DLG1: variants seen among roughly 807,000 people sequenced by gnomAD.
The protein encoded by DLG1 is disks large homolog 1.
A neutral mutation model predicts 123.4 loss-of-function variants in DLG1; 42 were observed. That is an observed-to-expected ratio of 0.34 (90% confidence interval 0.27 to 0.44). The LOEUF is 0.44. Among genes scored for constraint, DLG1 ranks in the 20% least tolerant of loss-of-function variants. The pLI is 1.00. For missense variants in DLG1, 942 were observed against 1,082.6 expected (o/e 0.87, Z 1.82); for synonymous variants, 317 against 356.2 (o/e 0.89, Z 1.24).
chr3:197,245,905 G>GT (rs148354738), intron 4 of DLG1, among the ~76,000 whole-genome samples: 5 of 141,878 alleles, frequency 3.5e-5, no homozygotes, highest in African/African-American at 5.2e-5. Flanking sequence ...TTTTTTGGGG[G>GT]GGGGGGAGGT....
intron 4 of DLG1, among the ~76,000 whole-genome samples, chr3:197,270,283 A>G (rs559150773): frequency 6.6e-6 from 1 of 152,302 alleles, no homozygotes; most frequent in Non-Finnish European, 1.5e-5. Flanking sequence ...ATATGAAGTA[A>G]TATGAGCACC....
At chr3:197,268,630 G>T (rs1762675658) in intron 4 of DLG1, among the ~76,000 whole-genome samples, 1 of 151,788 alleles carries the variant, frequency 6.6e-6, no homozygotes, top group East Asian at 1.9e-4. Flanking sequence ...TGCTGCCCAG[G>T]CTGATCTATA....
At chr3:197,081,011 A>G in intron 17 of DLG1, 40 bp downstream of exon 17, 1 of 1,566,204 alleles carries the variant, frequency 6.4e-7, no homozygotes, top group Non-Finnish European at 8.8e-7. Flanking sequence ...AATGTAGCTC[A>G]AACAGGAATT....
At chr3:197,219,180 G>A (rs189166627) in intron 4 of DLG1, among the ~76,000 whole-genome samples, 4 of 152,032 alleles carry the variant, frequency 2.6e-5, no homozygotes, top group African/African-American at 9.6e-5. Context: ...TTACCAAAAC[G>A]TTCACTGTCC....
rs1478206132 is a variant in DLG1 at position 197,044,352 on chromosome 3, C to T, written c.*271G>A. 2 of 279,706 alleles carry T rather than the reference C, an allele frequency of 7.2e-6. No homozygotes were observed. The highest frequency in any genetic ancestry group is 1.3e-5 in the Non-Finnish European group (2 of 151,482). The allele number at this position is 279,706 out of a possible 1,614,324, so 17.3% of individuals were successfully genotyped here. A position where few individuals can be genotyped will look rare whatever the true frequency, so the allele number is the denominator to read the frequency against. On this transcript the variant is annotated 3_prime_UTR_variant, in exon 25 of 25. Transcript: ENST00000667157. ...TCCCTTAAACATTAAGGAATTTTAC[C>T]ACAATTTCTGCGTCTCCCCACGTTC...
chr3:197,063,550 G>T (rs924445714), intron 22 of DLG1, among the ~76,000 whole-genome samples: 1 of 152,082 alleles, frequency 6.6e-6, no homozygotes, highest in African/African-American at 2.4e-5. Flanking sequence ...TTGTGTATCA[G>T]TTCAAATACC....
At chr3:197,190,710 C>T (rs1188258465) in intron 5 of DLG1, among the ~76,000 whole-genome samples, 1 of 152,138 alleles carries the variant, frequency 6.6e-6, no homozygotes, top group African/African-American at 2.4e-5. Flanking sequence ...ACGGAGATGG[C>T]TGCTAAAAGG....
intron 12 of DLG1, among the ~76,000 whole-genome samples, chr3:197,118,280 G>A (rs1023142841): frequency 2.6e-5 from 4 of 152,108 alleles, no homozygotes; most frequent in Non-Finnish European, 4.4e-5. Flanking sequence ...CCTTAAATAG[G>A]CACTATTAGA....
chr3:197,270,578 A>G (rs150601752), intron 4 of DLG1, among the ~76,000 whole-genome samples: 22 of 152,354 alleles, frequency 1.4e-4, no homozygotes, highest in Non-Finnish European at 2.8e-4. Context: ...GAGAAAAATA[A>G]CATTTTGAAA....
At chr3:197,292,402 C>A (rs544064203) in intron 3 of DLG1, among the ~76,000 whole-genome samples, 1 of 152,274 alleles carries the variant, frequency 6.6e-6, no homozygotes, top group East Asian at 1.9e-4. Flanking sequence ...CTAACATGAT[C>A]AAATTCACTG....
intron 4 of DLG1, among the ~76,000 whole-genome samples, chr3:197,235,482 CT>C (rs745460078): frequency 1.3e-5 from 2 of 152,208 alleles, no homozygotes; most frequent in Non-Finnish European, 2.9e-5. Context: ...AGTGTTCAAA[CT>C]TATACAGAGC....
intron 10 of DLG1, among the ~76,000 whole-genome samples, chr3:197,131,617 G>T (rs562153807): frequency 9.1e-6 from 1 of 110,206 alleles, no homozygotes; most frequent in Non-Finnish European, 1.7e-5. Context: ...TTTTTGAGAC[G>T]GAGTCTCGCT....
At chr3:197,274,242 AAC>A (rs1765324069) in intron 4 of DLG1, among the ~76,000 whole-genome samples, 1 of 152,204 alleles carries the variant, frequency 6.6e-6, no homozygotes, top group South Asian at 2.1e-4. Flanking sequence ...CTGATGTAAA[AAC>A]ACACACAGAC....
intron 4 of DLG1, among the ~76,000 whole-genome samples, chr3:197,250,731 A>C (rs1271705863): frequency 6.6e-6 from 1 of 152,052 alleles, no homozygotes; most frequent in African/African-American, 2.4e-5. Context: ...AAATGAACTC[A>C]CACGTGTCAT....
chr3:197,256,071 G>A (rs1297290486), intron 4 of DLG1, among the ~76,000 whole-genome samples: 4 of 152,168 alleles, frequency 2.6e-5, no homozygotes, highest in Non-Finnish European at 5.9e-5. Context: ...CGCTAATAAA[G>A]AAAGCATATT....
chr3:197,136,442 C>A, intron 10 of DLG1, 100 bp downstream of exon 10: 1 of 915,838 alleles, frequency 1.1e-6, no homozygotes, highest in Non-Finnish European at 1.6e-6. Context: ...CTAATTTAAA[C>A]ATCATTTAGA....
chr3:197,236,407 TAAAG>T (rs930031185), intron 4 of DLG1, among the ~76,000 whole-genome samples: 3 of 152,102 alleles, frequency 2.0e-5, no homozygotes, highest in Non-Finnish European at 2.9e-5. Context: ...CAAGAAATGT[TAAAG>T]AAGTTCTTCA....
chr3:197,091,808 T>C (rs958029307), intron 14 of DLG1, among the ~76,000 whole-genome samples: 3 of 152,088 alleles, frequency 2.0e-5, no homozygotes, highest in Admixed American at 1.3e-4. Context: ...GACAACTAGG[T>C]CATTTCAAAT....
intron 4 of DLG1, among the ~76,000 whole-genome samples, chr3:197,240,022 C>G (rs1473901096): frequency 6.6e-6 from 1 of 152,090 alleles, no homozygotes; most frequent in African/African-American, 2.4e-5. Context: ...ATCTAATGTT[C>G]TCTGGCAGGA....
Sources: gnomAD v4.1 joint callset for allele counts (sites outside exome capture counted in the v4.1 genomes callset) on GRCh38, gnomAD v4.1.1 for gene constraint, MANE v1.5 for transcripts, NCBI Gene and HGNC (gene_info 2026-07-23, HGNC 2026-07-21) for gene names.